PLXNB2: variants seen among roughly 807,000 people sequenced by gnomAD.
PLXNB2 encodes plexin-B2.
In PLXNB2, 85 loss-of-function variants were observed where a neutral mutation model predicts 202.6. That is an observed-to-expected ratio of 0.42 (90% CI 0.35 to 0.50). The LOEUF (loss-of-function observed/expected upper bound fraction) is 0.50. PLXNB2 is among the 20% of genes least tolerant of loss of function. The pLI is 0.02. For missense variants in PLXNB2, 2,063 were observed against 2,586.2 expected (o/e 0.80, Z 4.39); for synonymous variants, 1,239 against 1,137.6 (o/e 1.09, Z -1.79).
At chr22:50,307,258 A>C (rs940354542) in intron 1 of PLXNB2, among the ~76,000 whole-genome samples, 3 of 151,722 alleles carry the variant, frequency 2.0e-5, no homozygotes, top group African/African-American at 7.3e-5. Flanking sequence ...GCGGCTGAAG[A>C]GTGAGAGGCA....
Position 50,276,877 on chromosome 22 carries a change from G to A in PLXNB2, c.5226C>T (p.Ala1742=). Residue 1742 remains alanine (A), a synonymous_variant, in exon 34 of 37, where the codon GCC becomes GCT. Transcript: ENST00000359337. The part of the protein sequence containing the change: ...RDSPSNKLLY[A]KEISTYKKMV... ...TCTTCTTGTAGGTGGAGATCTCCTT[G>A]GCGTACAGCAGCTTGTTGCTGGGAG... 6.2e-7 allele frequency: 1 copy of A among 1,605,508 alleles called. No homozygotes were observed. The highest frequency in any genetic ancestry group is 1.1e-5 in the South Asian group (1 of 89,992).
intron 18 of PLXNB2, 193 bp from the exon 19 acceptor site, chr22:50,282,506 C>T (rs1054561626): frequency 3.3e-5 from 23 of 689,588 alleles, no homozygotes; most frequent in South Asian, 1.5e-4. Context: ...GGGGGGCACA[C>T]GGGGCCTGGT....
At position 50,289,813 on chromosome 22, in the gene PLXNB2, A is replaced by G; in HGVS notation, c.772T>C (p.Ser258Pro). 6.2e-7 allele frequency: 1 copy of G among 1,613,192 alleles called. No homozygotes were observed. Among genetic ancestry groups the G allele is most frequent in the Non-Finnish European group, 8.5e-7 (1 of 1,180,018 alleles). Reference sequence around the variant, plus strand: ...CACTGCAGGTCCATCTCCAGGTAGGAGTAGTAGTTGGGGTCTTCTCTGCAC... The same window carrying G: ...CACTGCAGGTCCATCTCCAGGTAGGGGTAGTAGTTGGGGTCTTCTCTGCAC... ...RMCREDPNYY[S>P]YLEMDLQCRD... The change falls in exon 3 of 37, where the codon TCC (serine) becomes CCC (proline). Residue 258 changes from serine (S) to proline (P), a missense_variant. By Grantham distance (74) the Ser-to-Pro change is moderately conservative. Around this residue, in one of 2 missense-constraint regions of PLXNB2, gnomAD observed 1,303 missense variants for 1,476.8 expected, o/e 0.88. Transcript: ENST00000359337. This position sits in a 1 kb window ranked among gnomAD's most constrained non-coding sequence, Gnocchi z 8.0.
Position 50,278,442 on chromosome 22 carries a change from A to G in PLXNB2, c.4725T>C (p.Pro1575=), listed in dbSNP as rs1421977045. 1.3e-5 allele frequency: 20 copies of G among 1,559,338 alleles called. No individual in the cohort carries two copies. Among genetic ancestry groups the G allele is most frequent in the Non-Finnish European group, 1.6e-5 (19 of 1,151,780 alleles). Residue 1575 remains proline, a synonymous_variant, in exon 30 of 37, where the codon CCT becomes CCC. Transcript: ENST00000359337. ...CAACAGGGAGGGACTCACGCTCCCC[A>G]GGCAGGTCCTGCTGGCTGTCCTCCG... ...QQPEDSQQDL[P]GERHALLEEE... is the part of the protein sequence containing the mutation.
At chr22:50,276,046 C>T (rs1004221325) in intron 35 of PLXNB2, 83 bp from the exon 36 acceptor site, 25 of 1,339,842 alleles carry the variant, frequency 1.9e-5, no homozygotes, top group African/African-American at 5.8e-5. Context: ...ACGCCCAGGA[C>T]GAGGCCTCCC....
Position 50,283,661 on chromosome 22 carries a change from C to G in PLXNB2, c.2511G>C (p.Arg837Ser). ...AGCAGTTCCGGCCGGCCACAGAGAT[C>G]CTCTGGATGTCCCCTGCTTGGACGC... ...NLGVQAGDIQ[R>S]ISVAGRNCSF... The change falls in exon 15 of 37, where the codon AGG becomes AGC. Residue 837 changes from arginine to serine, a missense_variant. This residue lies in a region of PLXNB2 where 1,303 missense variants were observed against 1,476.8 expected (regional missense o/e 0.88). Coordinates refer to ENST00000359337, the MANE Select transcript of PLXNB2 (RefSeq NM_012401.4). The G allele has an allele frequency of 6.2e-7, 1 of 1,613,160 alleles. No homozygotes were observed. The highest frequency in any genetic ancestry group is 1.1e-5 in the South Asian group (1 of 91,056).
chr22:50,297,015 TGA>T lies in PLXNB2; in HGVS notation c.-73-2239_-73-2238del, dbSNP rs2067327042. Among the ~76,000 whole-genome samples the T allele has an allele frequency of 6.6e-6, 1 of 152,112 alleles. No homozygotes were observed. Among genetic ancestry groups the T allele is most frequent in the Admixed American group, 6.5e-5 (1 of 15,270 alleles). Reference sequence around the variant, plus strand: ...GGGGGCAGAGGGCATCCTTTCGACCTGAGACTCAACAGCACCTTTGTGAAAAG... The same window carrying T: ...GGGGGCAGAGGGCATCCTTTCGACCTGACTCAACAGCACCTTTGTGAAAAG... On this transcript the variant is annotated intron_variant, in intron 1 of 36. Transcript: ENST00000359337. This position sits in a 1 kb window ranked among gnomAD's most constrained non-coding sequence, Gnocchi z 5.3.
rs1414401695 is a variant in PLXNB2, at chr22:50,284,222, C to G, written c.2182-9G>C. ...TTGGCATCGTGGGACAGCTGGGGGA[C>G]ACGCAGGGGCACACTGCACTTCCTG... On this transcript the variant is annotated splice_polypyrimidine_tract_variant and intron_variant, in intron 12 of 36. Transcript: ENST00000359337. This position sits in a 1 kb window ranked among gnomAD's most constrained non-coding sequence, Gnocchi z 8.0. The G allele has an allele frequency of 6.8e-6, 11 of 1,612,028 alleles. No homozygotes were observed. Among genetic ancestry groups the G allele is most frequent in the Admixed American group, 1.7e-5 (1 of 60,008 alleles).
chr22:50,278,560 T>G (rs1601678588), intron 29 of PLXNB2, 36 bp downstream of exon 29: 1 of 1,595,616 alleles, frequency 6.3e-7, no homozygotes, highest in Non-Finnish European at 8.5e-7. Flanking sequence ...GCCCCCAGGG[T>G]GCCCAGTTCT....
intron 15 of PLXNB2, 27 bp downstream of exon 15, chr22:50,283,575 G>A: frequency 6.6e-7 from 1 of 1,523,786 alleles, no homozygotes; most frequent in South Asian, 1.1e-5. Flanking sequence ...CCAGCTGACA[G>A]GGCCCAGACC....
intron 18 of PLXNB2, 169 bp downstream of exon 18, chr22:50,282,542 T>C: frequency 1.5e-6 from 1 of 665,284 alleles, no homozygotes; most frequent in Non-Finnish European, 2.5e-6. Context: ...GGTGTGCCCA[T>C]CTGGGTTTCT....
chr22:50,283,840 A>G lies in PLXNB2; in HGVS notation c.2414T>C (p.Ile805Thr). The change falls in exon 14 of 37, where the codon ATC (isoleucine) becomes ACC (threonine). Residue 805 changes from isoleucine (I) to threonine (T), a missense_variant. Coordinates refer to ENST00000359337, the MANE Select transcript of PLXNB2 (RefSeq NM_012401.4). ...NTTSECPPPV[I>T]TRIQPETGPL... is the part of the protein sequence containing the mutation. ...AGGCTTCGAGGGGCTCACCCTGGTGATGACGGGCGGCGGGCACTCGGAGGT... is the reference window on the plus strand; with the variant it reads ...AGGCTTCGAGGGGCTCACCCTGGTGGTGACGGGCGGCGGGCACTCGGAGGT... The G allele has an allele frequency of 6.2e-7, 1 of 1,609,914 alleles. No individual in the cohort carries two copies. The highest frequency in any genetic ancestry group is 8.5e-7 in the Non-Finnish European group (1 of 1,177,680).
chr22:50,280,199 G>A (rs947877742), intron 25 of PLXNB2, 128 bp from the exon 26 acceptor site: 13 of 724,586 alleles, frequency 1.8e-5, no homozygotes, highest in South Asian at 5.6e-5. Flanking sequence ...GGCCTGCAGC[G>A]AGGACTACCT....
chr22:50,282,290 G>A lies in PLXNB2; in HGVS notation c.3011C>T (p.Thr1004Met), dbSNP rs746803740. 2.1e-5 allele frequency: 34 copies of A among 1,611,096 alleles called. No homozygotes were observed. Among genetic ancestry groups the A allele is most frequent in the African/African-American group, 2.7e-5 (2 of 74,896 alleles). The change falls in exon 19 of 37, where the codon ACG (threonine) becomes ATG (methionine). Residue 1004 changes from threonine (T) to methionine (M), a missense_variant. This residue lies in a region of PLXNB2 where 1,303 missense variants were observed against 1,476.8 expected (regional missense o/e 0.88). Transcript: ENST00000359337. ...FASGGRSINV[T>M]GQGFSLIQRF... is the part of the protein sequence containing the mutation. ...CTGGATCAGGCTGAAGCCCTGACCC[G>A]TGACGTTGATGCTGCGGCCACCACT...
At chr22:50,285,941 C>A (rs543359684) in intron 10 of PLXNB2, 40 bp from the exon 11 acceptor site, 5 of 1,606,174 alleles carry the variant, frequency 3.1e-6, no homozygotes, top group Non-Finnish European at 3.4e-6. Flanking sequence ...CTGGGCACAG[C>A]GGAGCAGCCA....
In PLXNB2 at chr22:50,280,641, C is replaced by T. The variant is rs753441958; in HGVS notation, c.4023G>A (p.Glu1341=). 1 of 1,612,562 alleles carries T rather than the reference C, an allele frequency of 6.2e-7. No individual in the cohort carries two copies. The highest frequency in any genetic ancestry group is 1.1e-5 in the South Asian group (1 of 91,072). Residue 1341 remains glutamate (E), a synonymous_variant, in exon 25 of 37, where the codon GAG becomes GAA. Coordinates refer to ENST00000359337, the MANE Select transcript of PLXNB2 (RefSeq NM_012401.4). ...AGTAGACCTTGGCGCGGGCCGAGAA[C>T]TCCCGCTGGTTCTCCAGGGTGTGGA... ...NFIHTLENQR[E]FSARAKVYFA...
chr22:50,284,336 C>A lies in PLXNB2; in HGVS notation c.2182-123G>T. 2.1e-6 allele frequency: 2 copies of A among 958,982 alleles called. No individual in the cohort carries two copies. The highest frequency in any genetic ancestry group is 1.8e-5 in the Admixed American group (1 of 54,828). The allele number at this position is 958,982 out of a possible 1,614,324, so 59.4% of individuals were successfully genotyped here. ...TCCCAGCCAAGGGCAGCAGGGGAGG[C>A]CTTCAGGTGTCGGAAGTTCGGGAAC... On this transcript the variant is annotated intron_variant, in intron 12 of 36. Coordinates refer to ENST00000359337, the MANE Select transcript of PLXNB2 (RefSeq NM_012401.4). This position sits in a 1 kb window ranked among gnomAD's most constrained non-coding sequence, Gnocchi z 8.0.
chr22:50,279,105 A>G, intron 27 of PLXNB2, 94 bp from the exon 28 acceptor site: 1 of 1,363,624 alleles, frequency 7.3e-7, no homozygotes, highest in East Asian at 2.4e-5. Context: ...TTTGCCCACC[A>G]CAGCGGCACC....
At chr22:50,300,441 C>A in intron 1 of PLXNB2, 1 of 463,012 alleles carries the variant, frequency 2.2e-6, no homozygotes, top group Non-Finnish European at 2.8e-6. Context: ...TCATGCACGA[C>A]CCTGCCCGGA....
Sources: allele counts gnomAD v4.1 joint callset (sites outside exome capture counted in the v4.1 genomes callset), GRCh38; gene constraint gnomAD v4.1.1; regional missense constraint gnomAD v4.1.1; non-coding constraint Gnocchi (gnomAD v3.1); transcripts MANE v1.5; gene names NCBI Gene and HGNC (gene_info 2026-07-23, HGNC 2026-07-21).